SCARA3: variants seen among roughly 807,000 people sequenced by gnomAD.
SCARA3 encodes the protein scavenger receptor class A member 3.
SCARA3 carries 39 observed loss-of-function variants against 47.0 expected under a neutral mutation model. The observed-to-expected ratio is 0.83, with a 90% CI of 0.64 to 1.08. SCARA3 has a LOEUF of 1.08. SCARA3 is among the 50% of genes least tolerant of loss of function. SCARA3 has a pLI of 0.00. For synonymous variants in SCARA3, 356 were observed against 334.1 expected (o/e 1.07, Z -0.71); for missense variants, 724 against 792.3 (o/e 0.91, Z 1.04).
In SCARA3 at chr8:27,659,295, C is replaced by T. The variant is rs1487482121; in HGVS notation, c.1125C>T (p.Leu375=). 3.7e-6 allele frequency: 6 copies of T among 1,614,004 alleles called. No homozygotes were observed. The highest frequency in any genetic ancestry group is 5.1e-6 in the Non-Finnish European group (6 of 1,180,040). Residue 375 remains leucine (L), a synonymous_variant, in exon 5 of 6, where the codon CTC becomes CTT. Coordinates refer to ENST00000301904, the MANE Select transcript of SCARA3 (RefSeq NM_016240.3). ...NATDNHVHSM[L]KYLDDVRLSC... ...CCGACAACCACGTGCACAGCATGCTCAAGTACCTGGATGACGTGCGGCTCT... is the reference window on the plus strand; with the variant it reads ...CCGACAACCACGTGCACAGCATGCTTAAGTACCTGGATGACGTGCGGCTCT...
At chr8:27,674,109 G>A (rs867591651), downstream of SCARA3, among the ~76,000 whole-genome samples, 4 of 152,136 alleles carry the variant, frequency 2.6e-5, no homozygotes, top group Non-Finnish European at 2.9e-5. Context: ...GTTCCCTGTC[G>A]TAAGTCATCA....
the SCARA3 span, among the ~76,000 whole-genome samples, chr8:27,720,764 T>TTATCCATTCATCCACGTATC: frequency 6.6e-6 from 1 of 151,376 alleles, no homozygotes; most frequent in African/African-American, 2.4e-5. Flanking sequence ...ATCCACGTAT[T>TTATCCATTCATCCACGTATC]TATCCACCCA....
chr8:27,714,555 C>A, the SCARA3 span, among the ~76,000 whole-genome samples: 4 of 152,098 alleles, frequency 2.6e-5, no homozygotes, highest in African/African-American at 4.8e-5. Context: ...GGGCTTATGG[C>A]TTTATAAAGT....
chr8:27,730,834 G>A, the SCARA3 span, among the ~76,000 whole-genome samples: 1 of 151,800 alleles, frequency 6.6e-6, no homozygotes, highest in African/African-American at 2.4e-5. Flanking sequence ...CCCCAAGCAG[G>A]GGAACTGGAA....
At chr8:27,700,746 T>A in the SCARA3 span, among the ~76,000 whole-genome samples, 1 of 152,214 alleles carries the variant, frequency 6.6e-6, no homozygotes, top group East Asian at 1.9e-4. Context: ...CACTCTGAGA[T>A]ACCACTAGAA....
chr8:27,637,611 C>T (rs1291561280), intron 1 of SCARA3, among the ~76,000 whole-genome samples: 6 of 151,966 alleles, frequency 3.9e-5, no homozygotes, highest in African/African-American at 1.5e-4. Flanking sequence ...TGGCTGGAAG[C>T]GGGCCCACCT....
At chr8:27,648,567 G>A (rs1801559683) in intron 1 of SCARA3, among the ~76,000 whole-genome samples, 2 of 151,830 alleles carry the variant, frequency 1.3e-5, no homozygotes, top group Admixed American at 1.3e-4. Context: ...TAGCACCACT[G>A]CAATCCAGCC....
the SCARA3 span, among the ~76,000 whole-genome samples, chr8:27,730,769 C>G: frequency 4.0e-5 from 6 of 151,882 alleles, no homozygotes; most frequent in Non-Finnish European, 7.4e-5. Context: ...GGATTACAGG[C>G]ATGAGTCCAC....
At chr8:27,728,953 G>A in the SCARA3 span, among the ~76,000 whole-genome samples, 1 of 152,192 alleles carries the variant, frequency 6.6e-6, no homozygotes, top group Non-Finnish European at 1.5e-5. Context: ...TTTAGTCCCA[G>A]GTATTTGAGA....
At chr8:27,662,381 A>C (rs1291308074) in intron 5 of SCARA3, among the ~76,000 whole-genome samples, 1 of 152,202 alleles carries the variant, frequency 6.6e-6, no homozygotes, top group African/African-American at 2.4e-5. Context: ...CTGTTTTATC[A>C]AGCCAGCTGC....
the SCARA3 span, among the ~76,000 whole-genome samples, chr8:27,698,711 A>G: frequency 6.6e-6 from 1 of 152,228 alleles, no homozygotes; most frequent in Admixed American, 6.5e-5. Flanking sequence ...ATCTCTATAT[A>G]CTAGGAGCAA....
At chr8:27,724,688 T>G in the SCARA3 span, among the ~76,000 whole-genome samples, 14 of 152,070 alleles carry the variant, frequency 9.2e-5, no homozygotes, top group Non-Finnish European at 1.9e-4. Context: ...ACTGGTTAAG[T>G]GTGCCCAAAG....
At chr8:27,713,363 A>G in the SCARA3 span, among the ~76,000 whole-genome samples, 1 of 152,248 alleles carries the variant, frequency 6.6e-6, no homozygotes, top group Non-Finnish European at 1.5e-5. Context: ...TTCATTTGTT[A>G]GATTACAAAT....
chr8:27,693,241 G>A, the SCARA3 span, among the ~76,000 whole-genome samples: 21 of 152,090 alleles, frequency 1.4e-4, no homozygotes, highest in Admixed American at 1.4e-3. Context: ...CACCTTATAT[G>A]TATTGATTAA....
At chr8:27,731,860 C>T in the SCARA3 span, among the ~76,000 whole-genome samples, 1 of 152,116 alleles carries the variant, frequency 6.6e-6, no homozygotes, top group Non-Finnish European at 1.5e-5. Flanking sequence ...GAAGACGATT[C>T]TGGCAAGGCT....
downstream of SCARA3, among the ~76,000 whole-genome samples, chr8:27,675,552 G>A (rs901902856): frequency 6.6e-6 from 1 of 152,226 alleles, no homozygotes; most frequent in Non-Finnish European, 1.5e-5. Flanking sequence ...GACTTTGGGA[G>A]GCCAAGGCAG....
At chr8:27,660,087 C>T (rs1363001422) in intron 5 of SCARA3, among the ~76,000 whole-genome samples, 1 of 152,046 alleles carries the variant, frequency 6.6e-6, no homozygotes, top group Non-Finnish European at 1.5e-5. Flanking sequence ...CATTAATGCT[C>T]CCAACCACCC....
At chr8:27,648,304 T>C (rs1378468528) in intron 1 of SCARA3, among the ~76,000 whole-genome samples, 2 of 152,210 alleles carry the variant, frequency 1.3e-5, no homozygotes, top group Non-Finnish European at 2.9e-5. Flanking sequence ...CAGCACTTTA[T>C]TGCATTAAAA....
the SCARA3 span, chr8:27,701,587 CTCTTTCTTTCTTT>C: frequency 1.3e-5 from 2 of 151,026 alleles, no homozygotes; most frequent in African/African-American, 2.4e-5. Flanking sequence ...TTCTCTTTCT[CTCTTTCTTTCTTT>C]TCTTTCTTTC....
Sources: gnomAD v4.1 joint callset for allele counts (sites outside exome capture counted in the v4.1 genomes callset) on GRCh38, gnomAD v4.1.1 for gene constraint, MANE v1.5 for transcripts, NCBI Gene and HGNC (gene_info 2026-07-23, HGNC 2026-07-21) for gene names.